The following ZNF385B variants were observed in gnomAD, a reference collection of about 807,000 sequenced individuals.
ZNF385B encodes the protein zinc finger protein 533.
ZNF385B carries 23 observed loss-of-function variants against 39.2 expected under a neutral mutation model. The ratio of observed to expected loss-of-function variants is 0.59; its 90% CI spans 0.42 to 0.83. The LOEUF is 0.83. Ranked by LOEUF, ZNF385B falls within the 40% of genes least tolerant of loss-of-function variation. ZNF385B has a pLI of 0.00. For missense variants in ZNF385B, 552 were observed against 598.9 expected, an observed-to-expected ratio of 0.92 and a Z score of 0.82; for synonymous variants, 205 against 222.6, an observed-to-expected ratio of 0.92 and a Z score of 0.70.
intron 3 of ZNF385B, among the ~76,000 whole-genome samples, chr2:179,648,508 G>T (rs1252232581): frequency 3.3e-5 from 5 of 152,072 alleles, no homozygotes; most frequent in Non-Finnish European, 7.4e-5. Context: ...ACATATATAC[G>T]TTTGCTCCGA....
chr2:179,735,737 A>G (rs1701704207), intron 3 of ZNF385B, among the ~76,000 whole-genome samples: 1 of 151,388 alleles, frequency 6.6e-6, no homozygotes, highest in Admixed American at 6.6e-5. Flanking sequence ...TTGTAGGGAC[A>G]TGGATGAAAT....
At chr2:179,519,568 A>G (rs2058337980) in intron 4 of ZNF385B, among the ~76,000 whole-genome samples, 1 of 152,224 alleles carries the variant, frequency 6.6e-6, no homozygotes, top group South Asian at 2.1e-4. Flanking sequence ...CATAGTCATT[A>G]AAACACTCAG....
chr2:179,594,801 T>TA (rs1558958541), intron 3 of ZNF385B, among the ~76,000 whole-genome samples: 1 of 151,546 alleles, frequency 6.6e-6, no homozygotes, highest in Admixed American at 6.6e-5. Flanking sequence ...TAAACTCTTT[T>TA]TTTTTTTTTC....
chr2:179,550,060 T>C (rs2060473682), intron 3 of ZNF385B, among the ~76,000 whole-genome samples: 1 of 149,440 alleles, frequency 6.7e-6, no homozygotes, highest in South Asian at 2.1e-4. Flanking sequence ...TATTAAAATA[T>C]TTTAAAAGTT....
chr2:179,683,365 G>A (rs929620658), intron 3 of ZNF385B, among the ~76,000 whole-genome samples: 1 of 151,996 alleles, frequency 6.6e-6, no homozygotes, highest in Non-Finnish European at 1.5e-5. Context: ...ACTCCAGCCT[G>A]GGCAACAGAG....
At position 179,446,774 on chromosome 2, in the gene ZNF385B, A is replaced by C. The variant is rs907403212; in HGVS notation, c.716-4T>G. On this transcript the variant is annotated splice_region_variant and splice_polypyrimidine_tract_variant and intron_variant, in intron 6 of 9. Coordinates refer to ENST00000410066, the MANE Select transcript of ZNF385B (RefSeq NM_152520.6). The stretch of plus-strand genomic sequence containing the variant: ...GCTTTTAACTTCCCTTTATCTTCTA[A>C]GAGAAACACAGAGAGATCTTATTGA... 1.2e-6 allele frequency: 2 copies of C among 1,602,128 alleles called. No individual in the cohort carries two copies. The highest frequency in any genetic ancestry group is 1.7e-5 in the Admixed American group (1 of 57,202).
At chr2:179,538,911 T>C (rs1227419918) in intron 4 of ZNF385B, among the ~76,000 whole-genome samples, 1 of 152,176 alleles carries the variant, frequency 6.6e-6, no homozygotes, top group Non-Finnish European at 1.5e-5. Context: ...GGCAGAGAAA[T>C]TGACAGGTGG....
At chr2:179,606,053 G>T (rs1050603830) in intron 3 of ZNF385B, among the ~76,000 whole-genome samples, 7 of 152,092 alleles carry the variant, frequency 4.6e-5, no homozygotes, top group African/African-American at 1.7e-4. Flanking sequence ...TTATATTTTT[G>T]TAATAGCATA....
intron 6 of ZNF385B, among the ~76,000 whole-genome samples, chr2:179,469,239 A>G (rs1421315874): frequency 6.6e-6 from 1 of 152,166 alleles, no homozygotes; most frequent in Non-Finnish European, 1.5e-5. Context: ...GAAGAAGAAG[A>G]ATTGTCTTGG....
At chr2:179,623,099 T>C (rs560396388) in intron 3 of ZNF385B, among the ~76,000 whole-genome samples, 86 of 152,300 alleles carry the variant, frequency 5.6e-4, no homozygotes, top group Non-Finnish European at 1.2e-3. Context: ...CTTAACTGGA[T>C]CTTCAAACTG....
chr2:179,493,230 T>C (rs1173696622), intron 5 of ZNF385B, among the ~76,000 whole-genome samples: 1 of 152,104 alleles, frequency 6.6e-6, no homozygotes, highest in Non-Finnish European at 1.5e-5. Flanking sequence ...GTAATAGGTG[T>C]TTCAGAAGAC....
intron 3 of ZNF385B, among the ~76,000 whole-genome samples, chr2:179,627,470 T>A (rs935903471): frequency 1.3e-5 from 2 of 152,170 alleles, no homozygotes; most frequent in Non-Finnish European, 2.9e-5. Context: ...CAGAAAAACT[T>A]AGCTGAACAA....
chr2:179,498,770 G>T (rs943472751), intron 5 of ZNF385B, among the ~76,000 whole-genome samples: 2 of 151,606 alleles, frequency 1.3e-5, no homozygotes, highest in African/African-American at 4.8e-5. Context: ...GCATCTTAAA[G>T]AAACAGAGAA....
chr2:179,643,432 T>G (rs562178694), intron 3 of ZNF385B, among the ~76,000 whole-genome samples: 80 of 152,298 alleles, frequency 5.3e-4, no homozygotes, highest in Middle Eastern at 3.4e-3. Flanking sequence ...GAAAATTCAC[T>G]GAGACAGTTT....
intron 5 of ZNF385B, among the ~76,000 whole-genome samples, chr2:179,495,584 CCAGCACAGTCA>C (rs1430671814): frequency 6.6e-6 from 1 of 152,190 alleles, no homozygotes; most frequent in African/African-American, 2.4e-5. Flanking sequence ...TAGGTCTCAC[CCAGCACAGTCA>C]CAGTGGTAGT....
At chr2:179,847,870 A>G (rs963124293) in intron 1 of ZNF385B, among the ~76,000 whole-genome samples, 3 of 152,254 alleles carry the variant, frequency 2.0e-5, no homozygotes, top group Non-Finnish European at 4.4e-5. Flanking sequence ...GTTATTTGTT[A>G]TAATCCACTT....
intron 6 of ZNF385B, among the ~76,000 whole-genome samples, chr2:179,467,301 C>G (rs2052170915): frequency 6.6e-6 from 1 of 152,170 alleles, no homozygotes; most frequent in Non-Finnish European, 1.5e-5. Flanking sequence ...GCTGCTTTAG[C>G]TCATAACACC....
intron 1 of ZNF385B, among the ~76,000 whole-genome samples, chr2:179,858,840 G>A (rs948511884): frequency 3.3e-5 from 5 of 152,172 alleles, no homozygotes; most frequent in South Asian, 2.1e-4. Flanking sequence ...CCTGTAAGAA[G>A]TTAGCTAATT....
intron 1 of ZNF385B, among the ~76,000 whole-genome samples, chr2:179,772,488 G>C (rs1201450846): frequency 6.6e-6 from 1 of 152,184 alleles, no homozygotes; most frequent in African/African-American, 2.4e-5. Context: ...AATAAGATCA[G>C]CTTCTGTTAA....
Sources: gnomAD v4.1 joint callset for allele counts (sites outside exome capture counted in the v4.1 genomes callset) on GRCh38, gnomAD v4.1.1 for gene constraint, MANE v1.5 for transcripts, NCBI Gene and HGNC (gene_info 2026-07-23, HGNC 2026-07-21) for gene names.